The following EIF3G variants were observed in gnomAD, a reference collection of about 807,000 sequenced individuals.
The protein encoded by EIF3G is eukaryotic translation initiation factor 3 RNA-binding subunit.
A neutral mutation model predicts 41.7 loss-of-function variants in EIF3G; 10 were observed. That is an observed-to-expected ratio of 0.24 (90% CI 0.15 to 0.41). The LOEUF (loss-of-function observed/expected upper bound fraction) is 0.41, where lower values mean the gene tolerates loss of function less well. Ranked by LOEUF, EIF3G falls within the 10% of genes least tolerant of loss-of-function variation. EIF3G has a pLI of 1.00. For synonymous variants in EIF3G, 204 were observed against 172.5 expected, an observed-to-expected ratio of 1.18 and a Z score of -1.43; for missense variants, 297 against 444.0, an observed-to-expected ratio of 0.67 and a Z score of 2.98.
At position 10,115,827 on chromosome 19, in the gene EIF3G, G is replaced by A; in HGVS notation, c.704-7C>T. On this transcript the variant is annotated splice_polypyrimidine_tract_variant and splice_region_variant and intron_variant, in intron 8 of 10. Coordinates refer to ENST00000253108, the MANE Select transcript of EIF3G (RefSeq NM_003755.5). The stretch of plus-strand genomic sequence containing the variant: ...ATGGTGGCGTTGTCGTCGGCTGTGT[G>A]GGAGAGGGGAGGTGGCTGTGAGGGG... 1.2e-6 allele frequency: 2 copies of A among 1,611,242 alleles called. No individual in the cohort carries two copies. Among genetic ancestry groups the A allele is most frequent in the Non-Finnish European group, 8.5e-7 (1 of 1,179,630 alleles).
intron 2 of EIF3G, 123 bp downstream of exon 2, chr19:10,119,531 G>A: frequency 7.6e-7 from 1 of 1,307,882 alleles, no homozygotes; most frequent in Non-Finnish European, 1.1e-6. Context: ...TCCCAAGGAG[G>A]ATGGCGCGGG....
rs2089241555 is a variant in EIF3G, at chr19:10,116,007, C to T, written c.663G>A (p.Gly221=). ...GKYVPPSLRD[G]ASRRGESMQP... Reference sequence around the variant, plus strand: ...GCATGGACTCCCCGCGGCGGCTGGCCCCGTCGCGCAGGCTCGGCGGCACAT... The same window carrying T: ...GCATGGACTCCCCGCGGCGGCTGGCTCCGTCGCGCAGGCTCGGCGGCACAT... Residue 221 remains glycine (G), a synonymous_variant, in exon 8 of 11, where the codon GGG becomes GGA. Transcript: ENST00000253108. The surrounding 1 kb of genome is among the most constrained non-coding windows in gnomAD (Gnocchi z 4.1). 6.2e-7 allele frequency: 1 copy of T among 1,613,698 alleles called. No individual in the cohort carries two copies. Among genetic ancestry groups the T allele is most frequent in the Non-Finnish European group, 8.5e-7 (1 of 1,179,852 alleles).
intron 5 of EIF3G, chr19:10,118,376 G>C (rs908301287): frequency 5.8e-5 from 22 of 382,422 alleles, no homozygotes; most frequent in Non-Finnish European, 1.0e-4. Flanking sequence ...GACCAGCCTG[G>C]CCAACATGGC....
At position 10,115,145 on chromosome 19, in the gene EIF3G, G is replaced by A. The variant is rs2089218085; in HGVS notation, c.948-16C>T. On this transcript the variant is annotated splice_polypyrimidine_tract_variant and intron_variant, in intron 10 of 10. Coordinates refer to ENST00000253108, the MANE Select transcript of EIF3G (RefSeq NM_003755.5). ...GGTGGACGGCCTGGGGTAGGGGAGGGTGGCAGGTATAAGACTTCTGGGGGC... is the reference window on the plus strand; with the variant it reads ...GGTGGACGGCCTGGGGTAGGGGAGGATGGCAGGTATAAGACTTCTGGGGGC... 6.2e-7 allele frequency: 1 copy of A among 1,613,790 alleles called. No individual in the cohort carries two copies. The highest frequency in any genetic ancestry group is 2.2e-5 in the East Asian group (1 of 44,882).
rs1568495183 is a variant in EIF3G, at chr19:10,116,534, G to A, written c.595+266C>T. The A allele has an allele frequency of 3.9e-6, 2 of 517,796 alleles. No homozygotes were observed. The highest frequency in any genetic ancestry group is 6.9e-6 in the Non-Finnish European group (2 of 290,168). The allele number at this position is 517,796 out of a possible 1,614,324, so 32.1% of individuals were successfully genotyped here. ...ACACAGTGCGCACACACGATGTGGG[G>A]TGGTCAGCACCCTGGGGCCGACAGA... is the stretch of plus-strand genomic sequence containing the variant. On this transcript the variant is annotated intron_variant, in intron 7 of 10. Transcript: ENST00000253108. This position sits in a 1 kb window ranked among gnomAD's most constrained non-coding sequence, Gnocchi z 4.1.
chr19:10,119,420 G>A (rs79532108), intron 2 of EIF3G: 2 of 748,742 alleles, frequency 2.7e-6, no homozygotes, highest in Admixed American at 2.0e-5. Flanking sequence ...AACAGGAGAC[G>A]GGAGATTACA....
Position 10,115,731 on chromosome 19 carries a change from T to A in EIF3G, c.793A>T (p.Ile265Phe), listed in dbSNP as rs200368684. ...TCCTTAGCCAGGTAGATGCGGGAGA[T>A]GGAGCCGAAAGGCCGGAAGAGCTCC... ...LQELFRPFGS[I>F]SRIYLAKDKT... The change falls in exon 9 of 11, where the codon ATC becomes TTC. Residue 265 changes from isoleucine (I) to phenylalanine (F), a missense_variant. Transcript: ENST00000253108. 5 of 1,614,012 alleles carry A rather than the reference T, an allele frequency of 3.1e-6. No homozygotes were observed. Among genetic ancestry groups the A allele is most frequent in the Non-Finnish European group, 4.2e-6 (5 of 1,180,016 alleles).
Position 10,115,668 on chromosome 19 carries a change from C to T in EIF3G, c.840+16G>A. On this transcript the variant is annotated intron_variant, in intron 9 of 10. Transcript: ENST00000253108. ...TGACCCTCACACAGCCCCACCGTGC[C>T]TGCCTGCCTGCCCACCTTGGATTGG... 1 of 529,366 alleles carries T rather than the reference C, an allele frequency of 1.9e-6. No individual in the cohort carries two copies. The highest frequency in any genetic ancestry group is 2.7e-6 in the Non-Finnish European group (1 of 364,860). The allele number at this position is 529,366 out of a possible 1,614,324, so 32.8% of individuals were successfully genotyped here. A position where few individuals can be genotyped will look rare whatever the true frequency, so the allele number is the denominator to read the frequency against.
Position 10,116,688 on chromosome 19 carries a change from G to T in EIF3G, c.595+112C>A, listed in dbSNP as rs2089256879. ...ATTAGGAAGGCACAGACGCCCCGAG[G>T]AGAGTCTGGCACCATCAAACCCGCT... On this transcript the variant is annotated intron_variant, in intron 7 of 10. Transcript: ENST00000253108. The surrounding 1 kb of genome is among the most constrained non-coding windows in gnomAD (Gnocchi z 4.1). 8.9e-7 allele frequency: 1 copy of T among 1,122,104 alleles called. No individual in the cohort carries two copies. The highest frequency in any genetic ancestry group is 1.7e-5 in the South Asian group (1 of 60,182). 69.5% of individuals were successfully genotyped at this position (1,122,104 alleles called of 1,614,324 possible).
At chr19:10,117,243 C>T in intron 5 of EIF3G, 55 bp from the exon 6 acceptor site, 1 of 1,389,694 alleles carries the variant, frequency 7.2e-7, no homozygotes, top group Non-Finnish European at 1.0e-6. Context: ...CTGGGTTCCA[C>T]AGTGGGGTGC....
chr19:10,116,993 G>A lies in EIF3G; in HGVS notation c.406-4C>T. On this transcript the variant is annotated splice_region_variant and splice_polypyrimidine_tract_variant and intron_variant, in intron 6 of 10. Transcript: ENST00000253108. The surrounding 1 kb of genome is among the most constrained non-coding windows in gnomAD (Gnocchi z 4.1). ...CCTCCTCCTGGCAGTTCAGGTCCTG[G>A]CAGGGGCGGGTTGGGGGGAGCTCAG... 2 of 1,607,618 alleles carry A rather than the reference G, an allele frequency of 1.2e-6. No homozygotes were observed. The highest frequency in any genetic ancestry group is 1.7e-6 in the Non-Finnish European group (2 of 1,175,622).
At position 10,116,167 on chromosome 19, in the gene EIF3G, A is replaced by G; in HGVS notation, c.596-93T>C. 1 of 1,314,822 alleles carries G rather than the reference A, an allele frequency of 7.6e-7. No homozygotes were observed. Among genetic ancestry groups the G allele is most frequent in the East Asian group, 2.5e-5 (1 of 39,908 alleles). The allele number at this position is 1,314,822 out of a possible 1,614,324, so 81.4% of individuals were successfully genotyped here. On this transcript the variant is annotated intron_variant, in intron 7 of 10. Transcript: ENST00000253108. This position sits in a 1 kb window ranked among gnomAD's most constrained non-coding sequence, Gnocchi z 4.1. ...GAAGCTCGGGCTTCAGTGTTGAGCC[A>G]GCGCAGGCACTGTGTGCCAAACCAC...
intron 5 of EIF3G, 28 bp downstream of exon 5, chr19:10,118,640 G>A: frequency 6.2e-7 from 1 of 1,613,432 alleles, no homozygotes; most frequent in Non-Finnish European, 8.5e-7. Context: ...AATTCCTCTA[G>A]GTTAGCCCTG....
At chr19:10,115,313 G>A in intron 10 of EIF3G, 166 bp downstream of exon 10, 1 of 1,100,228 alleles carries the variant, frequency 9.1e-7, no homozygotes, top group Non-Finnish European at 1.3e-6. Flanking sequence ...AGGCACAAGA[G>A]CTGCCACCCC....
At chr19:10,119,283 CAAGGGCAGAGG>C in intron 2 of EIF3G, 112 bp from the exon 3 acceptor site, 1 of 1,258,756 alleles carries the variant, frequency 7.9e-7, no homozygotes, top group South Asian at 1.3e-5. Flanking sequence ...AAAGGCAGGC[CAAGGGCAGAGG>C]GCTGGCCAGG....
In EIF3G at chr19:10,116,096, A is replaced by G. The variant is rs2089243810; in HGVS notation, c.596-22T>C. 1.2e-6 allele frequency: 2 copies of G among 1,609,728 alleles called. No individual in the cohort carries two copies. Among genetic ancestry groups the G allele is most frequent in the Non-Finnish European group, 1.7e-6 (2 of 1,177,152 alleles). On this transcript the variant is annotated intron_variant, in intron 7 of 10. Coordinates refer to ENST00000253108, the MANE Select transcript of EIF3G (RefSeq NM_003755.5). This position sits in a 1 kb window ranked among gnomAD's most constrained non-coding sequence, Gnocchi z 4.1. ...AGCTCTGGGGACCAAAAGACAGTCA[A>G]GTTCAACCTCACTGTGGCGCAGGCG...
chr19:10,119,500 C>G (rs780436497), intron 2 of EIF3G, 154 bp downstream of exon 2: 187 of 985,060 alleles, frequency 1.9e-4, no homozygotes, highest in Non-Finnish European at 2.6e-4. Flanking sequence ...CGGGGAACAC[C>G]TGGAGTTGGC....
intron 5 of EIF3G, 84 bp from the exon 6 acceptor site, chr19:10,117,272 AC>A: frequency 1.0e-6 from 1 of 976,416 alleles, no homozygotes; most frequent in Non-Finnish European, 1.5e-6. Context: ...TACAACAGCC[AC>A]CCCCAGAGTG....
rs749322092 is a variant in EIF3G, at chr19:10,119,746, C to T, written c.21-46G>A. 13 of 1,612,958 alleles carry T rather than the reference C, an allele frequency of 8.1e-6. No homozygotes were observed. The Admixed American group carries it at 1.3e-4, about 17-fold the overall frequency. On this transcript the variant is annotated intron_variant, in intron 1 of 10. Transcript: ENST00000253108. Reference sequence around the variant, plus strand: ...GGAACGAAGATTAAGTCAGCCAGGCCCGGCTCCCGCAGCCTCGGCGTACCC... The same window carrying T: ...GGAACGAAGATTAAGTCAGCCAGGCTCGGCTCCCGCAGCCTCGGCGTACCC...
Sources: allele counts gnomAD v4.1 joint callset, GRCh38; gene constraint gnomAD v4.1.1; non-coding constraint Gnocchi (gnomAD v3.1); transcripts MANE v1.5; gene names NCBI Gene and HGNC (gene_info 2026-07-23, HGNC 2026-07-21).